The following FAT1 variants were observed in gnomAD, a reference collection of about 807,000 sequenced individuals.
FAT1 encodes FAT atypical cadherin 1.
A neutral mutation model predicts 329.8 loss-of-function variants in FAT1; 171 were observed. The ratio of observed to expected loss-of-function variants is 0.52; its 90% CI spans 0.46 to 0.59. The LOEUF (loss-of-function observed/expected upper bound fraction) is 0.59. Ranked by LOEUF, FAT1 falls within the 20% of genes least tolerant of loss-of-function variation. The probability of loss-of-function intolerance (pLI) is 0.00; values close to 1 mark genes in which losing one functional copy is unlikely to be tolerated. For missense variants in FAT1, 5,672 were observed against 5,774.4 expected (o/e 0.98, Z 0.57); for synonymous variants, 2,233 against 2,228.6 (o/e 1.00, Z -0.06).
At position 186,683,574 on chromosome 4, in the gene FAT1, C is replaced by T. The variant is rs1423075039; in HGVS notation, c.3266-19961G>A. ...GAAAGTTTTGCTTTCAAAGGCCACT[C>T]GTGATTTCTCCAAAGCCTTTTTCCT... On this transcript the variant is annotated intron_variant, in intron 2 of 26. Transcript: ENST00000441802. Among the ~76,000 whole-genome samples the T allele has an allele frequency of 3.3e-5, 5 of 152,180 alleles. No individual in the cohort carries two copies. The East Asian group carries it at 7.7e-4, about 23-fold the overall frequency.
chr4:186,598,049 T>A lies in FAT1; in HGVS notation c.12180A>T (p.Pro4060=), dbSNP rs1738618869. The change falls in exon 23 of 27, where the codon CCA becomes CCT. Residue 4060 remains proline, a synonymous_variant. Coordinates refer to ENST00000441802, the MANE Select transcript of FAT1 (RefSeq NM_005245.4). ...CAACACACGTGCCCCCATAGAGGCA[T>A]GGCTTGGAGGAACACGGATTGACGC... ...EISVNPCSSK[P]CLYGGTCVVD... The A allele has an allele frequency of 6.2e-7, 1 of 1,613,756 alleles. No individual in the cohort carries two copies. Among genetic ancestry groups the A allele is most frequent in the Non-Finnish European group, 8.5e-7 (1 of 1,179,872 alleles).
chr4:186,639,913 G>A, intron 3 of FAT1, 130 bp from the exon 4 acceptor site: 1 of 702,358 alleles, frequency 1.4e-6, no homozygotes. Flanking sequence ...AGGCCCAGGG[G>A]GGTGGATTAC....
chr4:186,636,302 G>A (rs775322097), intron 5 of FAT1, 67 bp from the exon 6 acceptor site: 24 of 1,427,038 alleles, frequency 1.7e-5, no homozygotes, highest in Non-Finnish European at 2.4e-5. Flanking sequence ...AATGAATGAA[G>A]CACAGACTGG....
intron 6 of FAT1, among the ~76,000 whole-genome samples, chr4:186,634,535 C>T (rs1244330627): frequency 6.6e-6 from 1 of 151,956 alleles, no homozygotes; most frequent in Non-Finnish European, 1.5e-5. Context: ...TTAAGAGAAA[C>T]CTAAAACCAC....
At chr4:186,687,924 A>G (rs1743550672) in intron 2 of FAT1, among the ~76,000 whole-genome samples, 1 of 152,128 alleles carries the variant, frequency 6.6e-6, no homozygotes, top group South Asian at 2.1e-4. Context: ...GCAGGTACAT[A>G]TGAGTTAGGG....
At position 186,688,858 on chromosome 4, in the gene FAT1, T is replaced by C. The variant is rs117985962; in HGVS notation, c.3265+17705A>G. 1.5e-3 allele frequency among the ~76,000 whole-genome samples: 234 copies of C among 152,200 alleles called. 2 individuals are homozygous for C. The East Asian group carries it at 0.037, about 24-fold the overall frequency. ...GTAGGTTTTCATAACCTGTATTCGT[T>C]TAAACCCAAGGACACAAAAAGTACC... is the stretch of plus-strand genomic sequence containing the variant. On this transcript the variant is annotated intron_variant, in intron 2 of 26. Coordinates refer to ENST00000441802, the MANE Select transcript of FAT1 (RefSeq NM_005245.4).
At position 186,708,733 on chromosome 4, in the gene FAT1, G is replaced by A. The variant is rs200888325; in HGVS notation, c.1095C>T (p.Val365=). 1 of 1,613,936 alleles carries A rather than the reference G, an allele frequency of 6.2e-7. No individual in the cohort carries two copies. The highest frequency in any genetic ancestry group is 8.5e-7 in the Non-Finnish European group (1 of 1,179,882). The change falls in exon 2 of 27, where the codon GTC becomes GTT. Residue 365 remains valine, a synonymous_variant. Coordinates refer to ENST00000441802, the MANE Select transcript of FAT1 (RefSeq NM_005245.4). ...VTSPQFKAGP[V]KFEKDVYRAE... ...CTCTGTAAACATCCTTTTCAAACTT[G>A]ACTGGCCCGGCTTTGAACTGTGGAG...
At chr4:186,652,364 C>CA (rs1281458846) in intron 3 of FAT1, among the ~76,000 whole-genome samples, 1 of 152,108 alleles carries the variant, frequency 6.6e-6, no homozygotes, top group Non-Finnish European at 1.5e-5. Context: ...ATAATTTTAG[C>CA]AAATAATATT....
intron 1 of FAT1, among the ~76,000 whole-genome samples, chr4:186,721,362 T>C (rs956113752): frequency 6.6e-6 from 1 of 152,224 alleles, no homozygotes. Context: ...TCTTAACTGA[T>C]GTATATCACT....
chr4:186,629,099 C>T (rs535887925), intron 7 of FAT1, among the ~76,000 whole-genome samples: 10 of 152,080 alleles, frequency 6.6e-5, no homozygotes, highest in South Asian at 2.1e-4. Context: ...CACTCATGTA[C>T]GGATAACAAT....
rs779253698 is a variant in FAT1 at position 186,618,244 on chromosome 4, C to G, written c.8342G>C (p.Arg2781Thr). 3 of 1,614,020 alleles carry G rather than the reference C, an allele frequency of 1.9e-6. No homozygotes were observed. The South Asian group carries it at 3.3e-5, about 18-fold the overall frequency. ...CATCTCATGGTCATCTTGAGTGCAC[C>G]TGGCCAGTATGGAAAACTGATACCA... is the stretch of plus-strand genomic sequence containing the variant. Reference protein sequence around the residue: ...TKWYQFSILARCTQDDHEMVA... With the variant: ...TKWYQFSILATCTQDDHEMVA... Residue 2781 changes from arginine (R) to threonine (T), a missense_variant, in exon 10 of 27, where the codon AGG becomes ACG. Around this residue, in one of 2 missense-constraint regions of FAT1, gnomAD observed 3,966 missense variants for 3,915.2 expected, o/e 1.01. Transcript: ENST00000441802.
chr4:186,651,522 G>A (rs1373815423), intron 3 of FAT1, among the ~76,000 whole-genome samples: 3 of 152,158 alleles, frequency 2.0e-5, no homozygotes, highest in African/African-American at 7.2e-5. Flanking sequence ...AATCTTTCAT[G>A]AGTATCACGC....
chr4:186,635,255 C>T (rs1262047961), intron 6 of FAT1, among the ~76,000 whole-genome samples: 3 of 151,870 alleles, frequency 2.0e-5, no homozygotes, highest in Non-Finnish European at 4.4e-5. Flanking sequence ...AGAGATGAAT[C>T]GCAACAGAGA....
rs757593335 is a variant in FAT1, at chr4:186,636,175, A to G, written c.4033T>C (p.Trp1345Arg). 5 of 1,614,044 alleles carry G rather than the reference A, an allele frequency of 3.1e-6. No homozygotes were observed. The highest frequency in any genetic ancestry group is 1.7e-5 in the Admixed American group (1 of 60,036). ...KSSTTRLHIEWISKPKPSLEP... is the reference protein window; with the variant it reads ...KSSTTRLHIERISKPKPSLEP... ...AGGGACGGTTTGGGCTTGGAGATCC[A>G]TTCAATATGGAGTCTGGTGGTTGAT... Residue 1345 changes from tryptophan to arginine, a missense_variant, in exon 6 of 27, where the codon TGG (tryptophan) becomes CGG (arginine). This residue lies in a region of FAT1 where 3,966 missense variants were observed against 3,915.2 expected (regional missense o/e 1.01). Coordinates refer to ENST00000441802, the MANE Select transcript of FAT1 (RefSeq NM_005245.4).
rs1739591618 is a variant in FAT1 at position 186,614,132 on chromosome 4, C to A, written c.9229+59G>T. 5.5e-5 allele frequency: 77 copies of A among 1,410,090 alleles called. No individual in the cohort carries two copies. In the South Asian group the frequency reaches 1.0e-3, roughly 18 times the overall value. The allele number at this position is 1,410,090 out of a possible 1,614,324, so 87.3% of individuals were successfully genotyped here. On this transcript the variant is annotated intron_variant, in intron 12 of 26. Coordinates refer to ENST00000441802, the MANE Select transcript of FAT1 (RefSeq NM_005245.4). ...AAATTTTGTGTGTGATCTAAAATCA[C>A]CCACATATATGATACTGTTGGAATA... is the stretch of plus-strand genomic sequence containing the variant.
chr4:186,671,846 G>A (rs1311705992), intron 2 of FAT1, among the ~76,000 whole-genome samples: 1 of 152,080 alleles, frequency 6.6e-6, no homozygotes, highest in African/African-American at 2.4e-5. Flanking sequence ...TACATTTAAT[G>A]TTCTTGCTTC....
At chr4:186,699,264 T>C (rs1241343480) in intron 2 of FAT1, among the ~76,000 whole-genome samples, 1 of 151,748 alleles carries the variant, frequency 6.6e-6, no homozygotes, top group Non-Finnish European at 1.5e-5. Flanking sequence ...GAGTAACTTT[T>C]ATTAAAAAAA....
rs933034928 is a variant in FAT1 at position 186,710,049 on chromosome 4, A to C, written c.-18-204T>G. Among the ~76,000 whole-genome samples, 2 of 152,204 alleles carry C rather than the reference A, an allele frequency of 1.3e-5. 1 individual carries two copies. The highest frequency in any genetic ancestry group is 2.9e-5 in the Non-Finnish European group (2 of 68,030). On this transcript the variant is annotated intron_variant, in intron 1 of 26. Transcript: ENST00000441802. The stretch of plus-strand genomic sequence containing the variant: ...TCTAGAATTATTAAGCTTAACAAAA[A>C]CTTCCTTTTCATTTTTGAACGACAA...
At chr4:186,697,318 C>T (rs1008983980) in intron 2 of FAT1, among the ~76,000 whole-genome samples, 1 of 152,216 alleles carries the variant, frequency 6.6e-6, no homozygotes, top group Non-Finnish European at 1.5e-5. Context: ...AAACACAGTA[C>T]TCACAGCACG....
Sources: allele counts gnomAD v4.1 joint callset (sites outside exome capture counted in the v4.1 genomes callset), GRCh38; gene constraint gnomAD v4.1.1; regional missense constraint gnomAD v4.1.1; transcripts MANE v1.5; gene names NCBI Gene and HGNC (gene_info 2026-07-23, HGNC 2026-07-21).